The following CDHR5 variants were observed in gnomAD, a reference collection of about 807,000 sequenced individuals.
CDHR5 encodes the protein cadherin related family member 5.
In CDHR5, 82 loss-of-function variants were observed where a neutral mutation model predicts 69.5. The observed-to-expected ratio is 1.18, with a 90% CI of 0.99 to 1.42. The LOEUF is 1.42. Among genes scored for constraint, CDHR5 ranks in the 40% most tolerant of loss-of-function variants. CDHR5 has a pLI of 0.00. For missense variants in CDHR5, 1,293 were observed against 1,168.9 expected, an observed-to-expected ratio of 1.11 and a Z score of -1.55; for synonymous variants, 601 against 510.2, an observed-to-expected ratio of 1.18 and a Z score of -2.40.
At chr11:618,555 C>A (rs746213171) in intron 13 of CDHR5, 44 bp downstream of exon 13, 1 of 1,605,878 alleles carries the variant, frequency 6.2e-7, no homozygotes, top group Non-Finnish European at 8.5e-7. Context: ...CCATACCAGC[C>A]AATGACCGGA....
chr11:621,079 C>G lies in CDHR5; in HGVS notation c.789+1G>C. ...GTGCACTGCCCCTCCCTCCCCATTACCAGTATGTGCCCCGTGGGGACAGCC... is the reference window on the plus strand; with the variant it reads ...GTGCACTGCCCCTCCCTCCCCATTAGCAGTATGTGCCCCGTGGGGACAGCC... On this transcript the variant is annotated splice_donor_variant, in intron 7 of 14. Coordinates refer to ENST00000397542, the MANE Select transcript of CDHR5 (RefSeq NM_021924.5). LOFTEE classifies it high-confidence loss of function. The surrounding 1 kb of genome is among the most constrained non-coding windows in gnomAD (Gnocchi z 4.4). 3 of 1,487,688 alleles carry G rather than the reference C, an allele frequency of 2.0e-6. No individual in the cohort carries two copies. The highest frequency in any genetic ancestry group is 2.8e-5 in the African/African-American group (2 of 71,250). The allele number at this position is 1,487,688 out of a possible 1,614,324, so 92.2% of individuals were successfully genotyped here. A position where few individuals can be genotyped will look rare whatever the true frequency, so the allele number is the denominator to read the frequency against.
rs761281248 is a variant in CDHR5, at chr11:619,775, G to GTGCCACGA, written c.1077_1084dup (p.Thr362IlefsTer25). 102 of 1,610,374 alleles carry GTGCCACGA rather than the reference G, an allele frequency of 6.3e-5. 1 individual carries two copies. Among genetic ancestry groups the GTGCCACGA allele is most frequent in the Admixed American group, 1.0e-4 (6 of 59,936 alleles). On this transcript the variant is annotated frameshift_variant, in exon 10 of 15. Coordinates refer to ENST00000397542, the MANE Select transcript of CDHR5 (RefSeq NM_021924.5). LOFTEE classifies it high-confidence loss of function. The stretch of plus-strand genomic sequence containing the variant: ...GCCCGCTCCAGCGCCACGCGCCACG[G>GTGCCACGA]TGCCACGATACAGTCTCTGGGGGAA...
rs1165300775 is a variant in CDHR5, at chr11:624,014, T to A, written c.312+199A>T. 6.6e-6 allele frequency among the ~76,000 whole-genome samples: 1 copy of A among 152,084 alleles called. No homozygotes were observed. Among genetic ancestry groups the A allele is most frequent in the Non-Finnish European group, 1.5e-5 (1 of 67,988 alleles). On this transcript the variant is annotated intron_variant, in intron 3 of 14. Transcript: ENST00000397542. The surrounding 1 kb of genome is among the most constrained non-coding windows in gnomAD (Gnocchi z 5.3). ...TCTTGGGCACACTGGATGGGGTGTC[T>A]GCTGGACAAGGGGTCAGTGACGGGG...
At chr11:618,220 G>A in intron 13 of CDHR5, 109 bp from the exon 14 acceptor site, 3 of 928,714 alleles carry the variant, frequency 3.2e-6, no homozygotes, top group Non-Finnish European at 4.8e-6. Context: ...CCCAGGCCTG[G>A]GCTGTCTCCC....
rs115611766 is a variant in CDHR5, at chr11:620,151, A to G, written c.894T>C (p.Gly298=). The change falls in exon 9 of 15, where the codon GGT becomes GGC. Residue 298 remains glycine, a synonymous_variant. Transcript: ENST00000397542. ...CCGAGTCTGGGTGGATGATGAATGT[A>G]CCATTCACGTTTCCTGGGAGGATGA... ...IYSIFRGNVN[G]TFIIHPDSGN... 1.2e-3 allele frequency: 1,880 copies of G among 1,612,730 alleles called. 19 individuals carry two copies. The African/African-American group carries it at 0.023, about 19-fold the overall frequency.
rs1032019553 is a variant in CDHR5, at chr11:617,179, A to G, written c.*172T>C. On this transcript the variant is annotated 3_prime_UTR_variant, in exon 15 of 15. Coordinates refer to ENST00000397542, the MANE Select transcript of CDHR5 (RefSeq NM_021924.5). ...CCGCCTCATCTGCACACCTGGGCTCAAGCGCTAATGACGACAGGGGACTGA... is the reference window on the plus strand; with the variant it reads ...CCGCCTCATCTGCACACCTGGGCTCGAGCGCTAATGACGACAGGGGACTGA... 3.3e-6 allele frequency: 2 copies of G among 611,996 alleles called. No individual in the cohort carries two copies. The highest frequency in any genetic ancestry group is 3.0e-5 in the Admixed American group (1 of 33,546). The allele number at this position is 611,996 out of a possible 1,614,324, so 37.9% of individuals were successfully genotyped here. A position where few individuals can be genotyped will look rare whatever the true frequency, so the allele number is the denominator to read the frequency against.
chr11:619,868 T>C lies in CDHR5; in HGVS notation c.992A>G (p.Asp331Gly). 1 of 1,548,590 alleles carries C rather than the reference T, an allele frequency of 6.5e-7. No individual in the cohort carries two copies. The highest frequency in any genetic ancestry group is 8.7e-7 in the Non-Finnish European group (1 of 1,150,664). Residue 331 changes from aspartate to glycine, a missense_variant, in exon 10 of 15, where the codon GAC becomes GGC. By Grantham distance (94) the Asp-to-Gly change is moderately conservative. Coordinates refer to ENST00000397542, the MANE Select transcript of CDHR5 (RefSeq NM_021924.5). ...FLLLVKGQQADLARYSVTQVT... is the reference protein window; with the variant it reads ...FLLLVKGQQAGLARYSVTQVT... ...CTGGGTCACTGAGTAGCGGGCAAGGTCGGCCTGTTGGCCCTGGAGGCGGGG... is the reference window on the plus strand; with the variant it reads ...CTGGGTCACTGAGTAGCGGGCAAGGCCGGCCTGTTGGCCCTGGAGGCGGGG...
chr11:620,106 C>T lies in CDHR5; in HGVS notation c.939G>A (p.Arg313=). 1 of 1,613,264 alleles carries T rather than the reference C, an allele frequency of 6.2e-7. No individual in the cohort carries two copies. The highest frequency in any genetic ancestry group is 8.5e-7 in the Non-Finnish European group (1 of 1,179,668). The change falls in exon 9 of 15, where the codon AGG becomes AGA. Residue 313 remains arginine, a synonymous_variant. Coordinates refer to ENST00000397542, the MANE Select transcript of CDHR5 (RefSeq NM_021924.5). ...HPDSGNLTVA[R]SVPSPMTFLL... ...GGAAGGTCATGGGGCTGGGGACACT[C>T]CTGGCCACGGTGAGGTTGCCCGAGT...
At chr11:617,853 C>A in intron 14 of CDHR5, 83 bp from the exon 15 acceptor site, 1 of 1,494,012 alleles carries the variant, frequency 6.7e-7, no homozygotes, top group Non-Finnish European at 9.0e-7. Context: ...ACGCTGGACA[C>A]CCCTCCGTCT....
At chr11:620,257 G>A (rs752700878) in intron 8 of CDHR5, 39 bp downstream of exon 8, 14 of 1,586,604 alleles carry the variant, frequency 8.8e-6, no homozygotes, top group Non-Finnish European at 1.1e-5. Flanking sequence ...CAGGGACAGA[G>A]GGGGTACAGG....
Position 619,673 on chromosome 11 carries a change from C to CTCTCTACCGAGAACTCCGGGTCCTG in CDHR5, c.1162_1179+7dup. The CTCTCTACCGAGAACTCCGGGTCCTG allele has an allele frequency of 1.9e-6, 3 of 1,613,150 alleles. No homozygotes were observed. The highest frequency in any genetic ancestry group is 1.7e-6 in the Non-Finnish European group (2 of 1,179,774). On this transcript the variant is annotated splice_region_variant and intron_variant, in intron 10 of 14. Coordinates refer to ENST00000397542, the MANE Select transcript of CDHR5 (RefSeq NM_021924.5). ...CCACAGAGGGGAGGCCTTGGATGCA[C>CTCTCTACCGAGAACTCCGGGTCCTG]TCTCTACCGAGAACTCCGGGTCCTG...
Position 616,993 on chromosome 11 carries a change from C to T in CDHR5, c.*358G>A, listed in dbSNP as rs73400307. 0.057 allele frequency: 16,240 copies of T among 286,708 alleles called. 726 individuals carry two copies. Among genetic ancestry groups the T allele is most frequent in the Middle Eastern group, 0.15 (367 of 2,374 alleles). The allele number at this position is 286,708 out of a possible 1,614,324, so 17.8% of individuals were successfully genotyped here. On this transcript the variant is annotated 3_prime_UTR_variant, in exon 15 of 15. Coordinates refer to ENST00000397542, the MANE Select transcript of CDHR5 (RefSeq NM_021924.5). Reference sequence around the variant, plus strand: ...AGATGAGCCGGGTGCCTGAGATCTCCGGTGCAGGTCGGGGGAGGGGAGCCC... The same window carrying T: ...AGATGAGCCGGGTGCCTGAGATCTCTGGTGCAGGTCGGGGGAGGGGAGCCC...
At position 617,421 on chromosome 11, in the gene CDHR5, T is replaced by C. The variant is rs773732726; in HGVS notation, c.2468A>G (p.Asp823Gly). The C allele has an allele frequency of 6.2e-7, 1 of 1,610,116 alleles. No homozygotes were observed. Among genetic ancestry groups the C allele is most frequent in the Non-Finnish European group, 8.5e-7 (1 of 1,178,802 alleles). ...VDGASDSGSG[D>G]EGEGAGRGGG... is the part of the protein sequence containing the mutation. Reference sequence around the variant, plus strand: ...ACCCCTCCCCGCGCCCTCGCCCTCATCGCCGCTGCCGGAGTCACTGGCGCC... The same window carrying C: ...ACCCCTCCCCGCGCCCTCGCCCTCACCGCCGCTGCCGGAGTCACTGGCGCC... Residue 823 changes from aspartate (D) to glycine (G), a missense_variant, in exon 15 of 15, where the codon GAT (aspartate) becomes GGT (glycine). Coordinates refer to ENST00000397542, the MANE Select transcript of CDHR5 (RefSeq NM_021924.5).
At position 617,375 on chromosome 11, in the gene CDHR5, G is replaced by A. The variant is rs186854698; in HGVS notation, c.2514C>T (p.Pro838=). ...CTTAGATGTAGGAGTCATCACCACC[G>A]GGCGCATCGTAGGGACCCCCACCCC... ...AGRGGGPYDA[P]GGDDSYI Residue 838 remains proline (P), a synonymous_variant, in exon 15 of 15, where the codon CCC becomes CCT. Coordinates refer to ENST00000397542, the MANE Select transcript of CDHR5 (RefSeq NM_021924.5). 2.9e-4 allele frequency: 466 copies of A among 1,608,504 alleles called. 1 individual carries two copies. In the East Asian group the frequency reaches 6.9e-3, roughly 24 times the overall value.
rs950515546 is a variant in CDHR5 at position 617,243 on chromosome 11, G to A, written c.*108C>T. On this transcript the variant is annotated 3_prime_UTR_variant, in exon 15 of 15. Transcript: ENST00000397542. ...CCATGGACCCGCGCGCCTGCCCCAC[G>A]CCATGGCCTGGGTTTCGGGAGCCTT... 133 of 892,564 alleles carry A rather than the reference G, an allele frequency of 1.5e-4. No individual in the cohort carries two copies. The highest frequency in any genetic ancestry group is 1.3e-3 in the South Asian group (77 of 60,016). 55.3% of individuals were successfully genotyped at this position (892,564 alleles called of 1,614,324 possible). A position where few individuals can be genotyped will look rare whatever the true frequency, so the allele number is the denominator to read the frequency against.
chr11:620,177 T>C lies in CDHR5; in HGVS notation c.881-13A>G, dbSNP rs775810404. On this transcript the variant is annotated splice_polypyrimidine_tract_variant and intron_variant, in intron 8 of 14. Coordinates refer to ENST00000397542, the MANE Select transcript of CDHR5 (RefSeq NM_021924.5). ...CCATTCACGTTTCCTGGGAGGATGA[T>C]GGAAGTGCTCAGCCCCGGCCCCCTG... 6.2e-7 allele frequency: 1 copy of C among 1,609,834 alleles called. No individual in the cohort carries two copies. The highest frequency in any genetic ancestry group is 1.1e-5 in the South Asian group (1 of 90,866).
rs755798057 is a variant in CDHR5 at position 624,765 on chromosome 11, C to G, written c.86-33G>C. The stretch of plus-strand genomic sequence containing the variant: ...GTTGCAGAGGAGGGATCAGTGCCTC[C>G]CAGCCCCTGGCTCCCCGCCGCCCGT... On this transcript the variant is annotated intron_variant, in intron 1 of 14. Coordinates refer to ENST00000397542, the MANE Select transcript of CDHR5 (RefSeq NM_021924.5). The surrounding 1 kb of genome is among the most constrained non-coding windows in gnomAD (Gnocchi z 5.3). The G allele has an allele frequency of 6.2e-7, 1 of 1,603,828 alleles. No individual in the cohort carries two copies. The highest frequency in any genetic ancestry group is 8.5e-7 in the Non-Finnish European group (1 of 1,173,672).
rs919123240 is a variant in CDHR5, at chr11:617,242, C to T, written c.*109G>A. ...CCCATGGACCCGCGCGCCTGCCCCACGCCATGGCCTGGGTTTCGGGAGCCT... is the reference window on the plus strand; with the variant it reads ...CCCATGGACCCGCGCGCCTGCCCCATGCCATGGCCTGGGTTTCGGGAGCCT... On this transcript the variant is annotated 3_prime_UTR_variant, in exon 15 of 15. Coordinates refer to ENST00000397542, the MANE Select transcript of CDHR5 (RefSeq NM_021924.5). 2.1e-5 allele frequency: 18 copies of T among 875,984 alleles called. No homozygotes were observed. The East Asian group carries it at 4.2e-4, about 21-fold the overall frequency. 54.3% of individuals were successfully genotyped at this position (875,984 alleles called of 1,614,324 possible).
chr11:620,247 C>T, intron 8 of CDHR5, 49 bp downstream of exon 8: 2 of 1,587,120 alleles, frequency 1.3e-6, no homozygotes, highest in Non-Finnish European at 1.7e-6. Context: ...GGGATGGAGA[C>T]AGGGACAGAG....
Sources: allele counts gnomAD v4.1 joint callset (sites outside exome capture counted in the v4.1 genomes callset), GRCh38; gene constraint gnomAD v4.1.1; non-coding constraint Gnocchi (gnomAD v3.1); transcripts MANE v1.5; gene names NCBI Gene and HGNC (gene_info 2026-07-23, HGNC 2026-07-21).